AKAP6: variants seen among roughly 807,000 people sequenced by gnomAD.
AKAP6 encodes A-kinase anchor protein 6.
A neutral mutation model predicts 188.5 loss-of-function variants in AKAP6; 58 were observed. The ratio of observed to expected loss-of-function variants is 0.31; its 90% CI spans 0.25 to 0.38. AKAP6 has a LOEUF of 0.38. AKAP6 is among the 10% of genes least tolerant of loss of function. The probability of loss-of-function intolerance (pLI) is 1.00; values close to 1 mark genes in which losing one functional copy is unlikely to be tolerated. For synonymous variants in AKAP6, 989 were observed against 998.6 expected, an observed-to-expected ratio of 0.99 and a Z score of 0.18; for missense variants, 2,710 against 2,740.0, an observed-to-expected ratio of 0.99 and a Z score of 0.24.
intron 10 of AKAP6, chr14:32,734,076 A>G (rs1218144428): frequency 6.6e-6 from 1 of 152,174 alleles, no homozygotes; most frequent in Admixed American, 6.6e-5. Context: ...AGACTTTAAA[A>G]ATAGTTGCCA....
At chr14:32,622,289 G>T (rs980277177) in intron 7 of AKAP6, among the ~76,000 whole-genome samples, 1 of 151,936 alleles carries the variant, frequency 6.6e-6, no homozygotes, top group Non-Finnish European at 1.5e-5. Flanking sequence ...TATATCACAT[G>T]ATATAGTAGT....
rs546819675 is a variant in AKAP6, at chr14:32,811,255, A to AAAAAAAAAAAAAAAAAAAAAAT, written c.3589-10146_3589-10145insAAAAAAAAAAAAAAAAAAAATA. On this transcript the variant is annotated intron_variant, in intron 12 of 13. Coordinates refer to ENST00000280979, the MANE Select transcript of AKAP6 (RefSeq NM_004274.5). ...CTCCGTCTCAGGAAAAAAAAAAAAA[A>AAAAAAAAAAAAAAAAAAAAAAT]AGTTGAAAAACAGACTAAGATAATG... 1.3e-3 allele frequency among the ~76,000 whole-genome samples: 155 copies of AAAAAAAAAAAAAAAAAAAAAAT among 118,306 alleles called. 12 individuals are homozygous for AAAAAAAAAAAAAAAAAAAAAAT. The highest frequency in any genetic ancestry group is 5.3e-3 in the Middle Eastern group (1 of 190). The allele number at this position is 118,306 out of a possible 152,430, so 77.6% of individuals were successfully genotyped here.
intron 2 of AKAP6, chr14:32,474,144 C>T (rs2003981): frequency 0.19 from 29,579 of 152,008 alleles, 4,445 homozygotes; most frequent in African/African-American, 0.41. Context: ...GTGATCCACC[C>T]GCCTCGGCCT....
intron 7 of AKAP6, among the ~76,000 whole-genome samples, chr14:32,618,726 T>C (rs1566607939): frequency 6.6e-6 from 1 of 152,230 alleles, no homozygotes; most frequent in Non-Finnish European, 1.5e-5. Flanking sequence ...GTGGGATTGC[T>C]GGATCGAATG....
chr14:32,827,500 A>G lies in AKAP6; in HGVS notation c.*43-2348A>G, dbSNP rs56016761. On this transcript the variant is annotated intron_variant, in intron 13 of 13. Transcript: ENST00000280979. Reference sequence around the variant, plus strand: ...AAATGTTTTTTATTTACTGTGTTCTAATTAAAAACCCACTGAAACTGCTTG... The same window carrying G: ...AAATGTTTTTTATTTACTGTGTTCTGATTAAAAACCCACTGAAACTGCTTG... 4.5e-3 allele frequency among the ~76,000 whole-genome samples: 689 copies of G among 152,328 alleles called. 3 individuals are homozygous for G. The highest frequency in any genetic ancestry group is 0.016 in the African/African-American group (653 of 41,582).
intron 7 of AKAP6, among the ~76,000 whole-genome samples, chr14:32,658,172 A>G (rs954773420): frequency 2.6e-5 from 4 of 152,128 alleles, no homozygotes; most frequent in Non-Finnish European, 5.9e-5. Context: ...ATGCTACTCT[A>G]TATAGTGATT....
intron 2 of AKAP6, among the ~76,000 whole-genome samples, chr14:32,516,652 T>G (rs906407268): frequency 2.6e-5 from 4 of 152,228 alleles, no homozygotes; most frequent in East Asian, 3.8e-4. Context: ...CACAAATTTT[T>G]GGGGTGGAAG....
rs1335521583 is a variant in AKAP6, at chr14:32,736,267, G to T, written c.3372+385G>T. Among the ~76,000 whole-genome samples the T allele has an allele frequency of 3.3e-5, 5 of 152,232 alleles. No homozygotes were observed. The South Asian group carries it at 6.2e-4, about 19-fold the overall frequency. On this transcript the variant is annotated intron_variant, in intron 11 of 13. Coordinates refer to ENST00000280979, the MANE Select transcript of AKAP6 (RefSeq NM_004274.5). The stretch of plus-strand genomic sequence containing the variant: ...ACAAATTGATATGATAAAAACACAT[G>T]ATTTAATCGAAGTCCATTACTGCTA...
chr14:32,548,351 C>T (rs1391562280), intron 4 of AKAP6, among the ~76,000 whole-genome samples: 3 of 151,982 alleles, frequency 2.0e-5, no homozygotes, highest in African/African-American at 7.3e-5. Flanking sequence ...ATCCGCCTGC[C>T]TTGGCATCCC....
intron 3 of AKAP6, among the ~76,000 whole-genome samples, chr14:32,536,900 G>A (rs896069448): frequency 1.4e-4 from 21 of 152,166 alleles, no homozygotes; most frequent in Admixed American, 1.2e-3. Flanking sequence ...GTACGCGCAG[G>A]CATGTGTGTT....
At chr14:32,394,024 T>C (rs1487513600) in intron 1 of AKAP6, among the ~76,000 whole-genome samples, 1 of 152,124 alleles carries the variant, frequency 6.6e-6, no homozygotes, top group Non-Finnish European at 1.5e-5. Context: ...TCAATAATAA[T>C]CATCAAATGC....
At chr14:32,793,591 C>T (rs1349243742) in intron 12 of AKAP6, among the ~76,000 whole-genome samples, 2 of 151,684 alleles carry the variant, frequency 1.3e-5, no homozygotes, top group Non-Finnish European at 2.9e-5. Flanking sequence ...ACTGTAACAC[C>T]CCACTGACAC....
At chr14:32,767,816 T>C (rs2032765381) in intron 11 of AKAP6, among the ~76,000 whole-genome samples, 1 of 152,182 alleles carries the variant, frequency 6.6e-6, no homozygotes, top group Non-Finnish European at 1.5e-5. Flanking sequence ...GCCCATAGTT[T>C]AGCATATATA....
chr14:32,703,742 T>C lies in AKAP6; in HGVS notation c.3000+7632T>C, dbSNP rs138769645. On this transcript the variant is annotated intron_variant, in intron 9 of 13. Transcript: ENST00000280979. ...TTTGGAATCTACTAAGAACTCTGAG[T>C]TCAATGAGATAAGTTTATTCCAATA... Among the ~76,000 whole-genome samples, 4 of 152,208 alleles carry C rather than the reference T, an allele frequency of 2.6e-5. No individual in the cohort carries two copies. In the East Asian group the frequency reaches 5.8e-4, roughly 22 times the overall value.
At chr14:32,547,917 C>A (rs1263895690) in intron 4 of AKAP6, among the ~76,000 whole-genome samples, 1 of 151,872 alleles carries the variant, frequency 6.6e-6, no homozygotes, top group Admixed American at 6.6e-5. Flanking sequence ...GGCATCTGGG[C>A]AAAGAGATTC....
At chr14:32,531,212 G>GA (rs891626341) in intron 2 of AKAP6, among the ~76,000 whole-genome samples, 4 of 152,196 alleles carry the variant, frequency 2.6e-5, no homozygotes, top group South Asian at 2.1e-4. Context: ...AATATCTGTG[G>GA]AAAAAAATCT....
intron 2 of AKAP6, among the ~76,000 whole-genome samples, chr14:32,445,946 C>A (rs1384991555): frequency 1.3e-5 from 2 of 152,138 alleles, no homozygotes; most frequent in African/African-American, 4.8e-5. Flanking sequence ...TACTGGAAAT[C>A]TGAGGGTGTG....
chr14:32,594,049 A>C (rs891828554), intron 5 of AKAP6, among the ~76,000 whole-genome samples: 1 of 152,140 alleles, frequency 6.6e-6, no homozygotes, highest in Non-Finnish European at 1.5e-5. Flanking sequence ...ATTCGTAATG[A>C]TTTTTTTAGC....
intron 1 of AKAP6, among the ~76,000 whole-genome samples, chr14:32,420,245 T>C (rs1211696887): frequency 6.6e-6 from 1 of 152,166 alleles, no homozygotes; most frequent in African/African-American, 2.4e-5. Flanking sequence ...TAGGATGGTA[T>C]GGCTACTCCC....
Sources: allele counts gnomAD v4.1 joint callset (sites outside exome capture counted in the v4.1 genomes callset), GRCh38; gene constraint gnomAD v4.1.1; transcripts MANE v1.5; gene names NCBI Gene and HGNC (gene_info 2026-07-23, HGNC 2026-07-21).